Variants in PAK5 observed in about 807,000 individuals in gnomAD.
PAK5 encodes the protein p21 (RAC1) activated kinase 5, also known as serine/threonine-protein kinase PAK 5.
In PAK5, 16 loss-of-function variants were observed where a neutral mutation model predicts 65.9. The observed-to-expected ratio is 0.24, with a 90% CI of 0.16 to 0.37. The LOEUF is 0.37. Ranked by LOEUF, PAK5 falls within the 10% of genes least tolerant of loss-of-function variation. The pLI is 1.00. For missense variants in PAK5, 785 were observed against 903.9 expected, an observed-to-expected ratio of 0.87 and a Z score of 1.69; for synonymous variants, 371 against 354.9, an observed-to-expected ratio of 1.05 and a Z score of -0.51.
intron 1 of PAK5, among the ~76,000 whole-genome samples, chr20:9,788,213 A>G (rs1482140605): frequency 1.3e-5 from 2 of 152,118 alleles, no homozygotes; most frequent in Non-Finnish European, 2.9e-5. Flanking sequence ...TAAGAAATAC[A>G]CAGACATCTC....
chr20:9,632,236 C>T (rs2046931342), intron 3 of PAK5, among the ~76,000 whole-genome samples: 1 of 152,118 alleles, frequency 6.6e-6, no homozygotes, highest in African/African-American at 2.4e-5. Flanking sequence ...ATGAGTTCAG[C>T]TTTCAGGAGT....
At chr20:9,625,886 T>G (rs1028222244) in intron 3 of PAK5, among the ~76,000 whole-genome samples, 4 of 152,334 alleles carry the variant, frequency 2.6e-5, no homozygotes, top group Non-Finnish European at 4.4e-5. Flanking sequence ...TTTCCTGTTT[T>G]AGGCTCACTG....
At chr20:9,729,309 C>T (rs2048310140) in intron 1 of PAK5, among the ~76,000 whole-genome samples, 1 of 151,994 alleles carries the variant, frequency 6.6e-6, no homozygotes, top group Admixed American at 6.6e-5. Context: ...CAGGAGATTT[C>T]ACATAAAACT....
intron 3 of PAK5, among the ~76,000 whole-genome samples, chr20:9,626,656 T>C (rs1297996745): frequency 6.6e-6 from 1 of 152,256 alleles, no homozygotes; most frequent in Non-Finnish European, 1.5e-5. Context: ...GGCCTGCACA[T>C]TTCACCAGTG....
chr20:9,832,575 C>T (rs923094247), intron 1 of PAK5, among the ~76,000 whole-genome samples: 4 of 152,132 alleles, frequency 2.6e-5, no homozygotes, highest in Admixed American at 6.5e-5. Context: ...GCCTGGCAGA[C>T]ATTTTGATAA....
At chr20:9,659,557 A>G (rs574517480) in intron 2 of PAK5, among the ~76,000 whole-genome samples, 3 of 152,156 alleles carry the variant, frequency 2.0e-5, no homozygotes, top group Non-Finnish European at 4.4e-5. Flanking sequence ...TCCACTTTTA[A>G]TGTCATTGAT....
chr20:9,777,464 A>G (rs1254487135), intron 1 of PAK5, among the ~76,000 whole-genome samples: 2 of 152,146 alleles, frequency 1.3e-5, no homozygotes, highest in Non-Finnish European at 2.9e-5. Context: ...AGCATGTAAG[A>G]TGTGACTTTG....
chr20:9,584,911 T>C (rs1045056426), intron 3 of PAK5, among the ~76,000 whole-genome samples: 1 of 152,192 alleles, frequency 6.6e-6, no homozygotes, highest in African/African-American at 2.4e-5. Context: ...AGCTTCCTGG[T>C]GTGTTTAATC....
At chr20:9,629,636 T>C (rs943040076) in intron 3 of PAK5, among the ~76,000 whole-genome samples, 1 of 152,196 alleles carries the variant, frequency 6.6e-6, no homozygotes, top group African/African-American at 2.4e-5. Flanking sequence ...TTCCTTTCTT[T>C]TATAAAGGCA....
intron 2 of PAK5, among the ~76,000 whole-genome samples, chr20:9,688,744 G>T (rs1395974157): frequency 2.0e-5 from 3 of 152,092 alleles, no homozygotes; most frequent in East Asian, 3.9e-4. Context: ...CTATGCTTCA[G>T]TTTCCCCACT....
At chr20:9,789,832 T>C (rs1414094251) in intron 1 of PAK5, among the ~76,000 whole-genome samples, 1 of 152,142 alleles carries the variant, frequency 6.6e-6, no homozygotes, top group Non-Finnish European at 1.5e-5. Flanking sequence ...GATCACCATA[T>C]GGGTTGGCAT....
At chr20:9,544,246 G>T in intron 8 of PAK5, 123 bp downstream of exon 8, 1 of 1,044,246 alleles carries the variant, frequency 9.6e-7, no homozygotes, top group Non-Finnish European at 1.4e-6. Context: ...TCTAGTGAGT[G>T]GGGATCAAAT....
chr20:9,799,131 G>GA lies in PAK5; in HGVS notation c.-162+39630dup, dbSNP rs1347770601. 3.9e-5 allele frequency among the ~76,000 whole-genome samples: 6 copies of GA among 152,214 alleles called. 1 individual carries two copies. The highest frequency in any genetic ancestry group is 1.2e-4 in the African/African-American group (5 of 41,550). On this transcript the variant is annotated intron_variant, in intron 1 of 9. Transcript: ENST00000353224. The stretch of plus-strand genomic sequence containing the variant: ...TAGATATCTATCTCAGCCACTTTTA[G>GA]AAAAAATACATTCTAAAAAGTATGA...
intron 1 of PAK5, among the ~76,000 whole-genome samples, chr20:9,779,487 G>GT (rs140275695): frequency 0.36 from 53,586 of 149,892 alleles, 10,076 homozygotes; most frequent in African/African-American, 0.47. Flanking sequence ...TTTCTGAGGA[G>GT]TTTTTTTTCA....
At position 9,544,356 on chromosome 20, in the gene PAK5, G is replaced by A. The variant is rs1401570031; in HGVS notation, c.1869+13C>T. The A allele has an allele frequency of 6.2e-7, 1 of 1,613,070 alleles. No individual in the cohort carries two copies. Among genetic ancestry groups the A allele is most frequent in the Non-Finnish European group, 8.5e-7 (1 of 1,179,578 alleles). ...CCCCAGTCCTGCCACGCCTATGACT[G>A]TGACCCCCTTACCTCTGTCCCATAA... On this transcript the variant is annotated intron_variant, in intron 8 of 9. Transcript: ENST00000353224.
At chr20:9,691,260 G>C (rs539515122) in intron 2 of PAK5, among the ~76,000 whole-genome samples, 2 of 152,266 alleles carry the variant, frequency 1.3e-5, no homozygotes, top group East Asian at 3.9e-4. Flanking sequence ...AACCCATAGA[G>C]TCCCAACAGA....
At chr20:9,790,971 T>C (rs2049044566) in intron 1 of PAK5, among the ~76,000 whole-genome samples, 1 of 152,106 alleles carries the variant, frequency 6.6e-6, no homozygotes, top group Non-Finnish European at 1.5e-5. Flanking sequence ...ATGGGTTACA[T>C]TCCTTGGCTT....
intron 1 of PAK5, among the ~76,000 whole-genome samples, chr20:9,823,944 TCTG>T (rs1220612704): frequency 6.6e-6 from 1 of 152,218 alleles, no homozygotes; most frequent in Non-Finnish European, 1.5e-5. Context: ...GGCAGCACAA[TCTG>T]CTATTTACTA....
At position 9,539,005 on chromosome 20, in the gene PAK5, C is replaced by A. The variant is rs111886968; in HGVS notation, c.*457G>T. The stretch of plus-strand genomic sequence containing the variant: ...AAGTACTATAAATTATCAAAACTAT[C>A]GTACAGAAAAATTACAAATTCGTTG... On this transcript the variant is annotated 3_prime_UTR_variant, in exon 10 of 10. Coordinates refer to ENST00000353224, the MANE Select transcript of PAK5 (RefSeq NM_177990.4). 5 of 233,334 alleles carry A rather than the reference C, an allele frequency of 2.1e-5. No homozygotes were observed. Among genetic ancestry groups the A allele is most frequent in the Non-Finnish European group, 4.2e-5 (5 of 118,192 alleles). The allele number at this position is 233,334 out of a possible 1,614,324, so 14.5% of individuals were successfully genotyped here.
Sources: allele counts gnomAD v4.1 joint callset (sites outside exome capture counted in the v4.1 genomes callset), GRCh38; gene constraint gnomAD v4.1.1; transcripts MANE v1.5; gene names NCBI Gene and HGNC (gene_info 2026-07-23, HGNC 2026-07-21).